PRKN: variants seen among roughly 807,000 people sequenced by gnomAD.
The protein encoded by PRKN is parkin RBR E3 ubiquitin protein ligase.
A neutral mutation model predicts 59.5 loss-of-function variants in PRKN; 56 were observed. The observed-to-expected ratio is 0.94, with a 90% CI of 0.76 to 1.18. The LOEUF (loss-of-function observed/expected upper bound fraction) is 1.18, where lower values mean the gene tolerates loss of function less well. PRKN is among the 50% of genes most tolerant of loss of function. The probability of loss-of-function intolerance (pLI) is 0.00; values close to 1 mark genes in which losing one functional copy is unlikely to be tolerated. For missense variants in PRKN, 657 were observed against 596.4 expected, an observed-to-expected ratio of 1.10 and a Z score of -1.06; for synonymous variants, 250 against 222.1, an observed-to-expected ratio of 1.13 and a Z score of -1.12.
At chr6:161,542,467 GTTTC>G (rs1170107672) in intron 9 of PRKN, among the ~76,000 whole-genome samples, 2 of 152,296 alleles carry the variant, frequency 1.3e-5, no homozygotes, top group African/African-American at 2.4e-5. Context: ...TTTGTGAACA[GTTTC>G]TTTAACTAAA....
intron 4 of PRKN, among the ~76,000 whole-genome samples, chr6:162,144,194 G>A (rs1027809503): frequency 1.3e-5 from 2 of 152,064 alleles, no homozygotes; most frequent in African/African-American, 4.8e-5. Flanking sequence ...TTAACAAAGC[G>A]CACTTGGAGA....
chr6:161,469,541 AAGAGAAAGAGAG>A (rs1373866502), intron 9 of PRKN, among the ~76,000 whole-genome samples: 1 of 141,402 alleles, frequency 7.1e-6, no homozygotes, highest in Non-Finnish European at 1.5e-5. Context: ...TCCAGTGAAC[AAGAGAAAGAGAG>A]AGAGAGAGAG....
chr6:161,414,794 A>C lies in PRKN; in HGVS notation c.1084-27917T>G, dbSNP rs935648405. ...TCTCCGCAGGCAGGGCAGCCGCTGA[A>C]CAGCACCGGGAGGGTCTGTAGTTGC... is the stretch of plus-strand genomic sequence containing the variant. On this transcript the variant is annotated intron_variant, in intron 9 of 11. Transcript: ENST00000366898. The surrounding 1 kb of genome is among the most constrained non-coding windows in gnomAD (Gnocchi z 5.3). 9.2e-5 allele frequency among the ~76,000 whole-genome samples: 14 copies of C among 152,184 alleles called. No homozygotes were observed. The highest frequency in any genetic ancestry group is 5.9e-5 in the Non-Finnish European group (4 of 68,026).
At chr6:161,427,559 G>A (rs1562441601) in intron 9 of PRKN, among the ~76,000 whole-genome samples, 1 of 152,122 alleles carries the variant, frequency 6.6e-6, no homozygotes, top group Non-Finnish European at 1.5e-5. Flanking sequence ...TCTATATCTT[G>A]TCTGGGTTGC....
chr6:162,433,857 T>C (rs902040953), intron 2 of PRKN, among the ~76,000 whole-genome samples: 2 of 152,146 alleles, frequency 1.3e-5, no homozygotes, highest in African/African-American at 4.8e-5. Context: ...GCCCACATAT[T>C]TGAAATTGAG....
At chr6:162,342,003 T>C (rs1001471253) in intron 2 of PRKN, among the ~76,000 whole-genome samples, 4 of 152,204 alleles carry the variant, frequency 2.6e-5, no homozygotes, top group African/African-American at 4.8e-5. Flanking sequence ...GGTTTGCTTT[T>C]TAATGAAATA....
At chr6:161,506,806 AAGCT>A (rs1401880646) in intron 9 of PRKN, among the ~76,000 whole-genome samples, 1 of 152,230 alleles carries the variant, frequency 6.6e-6, no homozygotes, top group East Asian at 1.9e-4. Flanking sequence ...CTGTCCCAAA[AAGCT>A]TGCTCAGTTG....
Position 161,538,518 on chromosome 6 carries a change from G to A in PRKN, c.1083+10336C>T, listed in dbSNP as rs1562513248. ...TAGGGGAGGTGGGACTAAAGGTCAAGCCAGGACAGATCAGATTTGCCTAGG... is the reference window on the plus strand; with the variant it reads ...TAGGGGAGGTGGGACTAAAGGTCAAACCAGGACAGATCAGATTTGCCTAGG... On this transcript the variant is annotated intron_variant, in intron 9 of 11. Transcript: ENST00000366898. This position sits in a 1 kb window ranked among gnomAD's most constrained non-coding sequence, Gnocchi z 4.2. 6.6e-6 allele frequency among the ~76,000 whole-genome samples: 1 copy of A among 152,130 alleles called. No individual in the cohort carries two copies. Among genetic ancestry groups the A allele is most frequent in the Non-Finnish European group, 1.5e-5 (1 of 68,028 alleles).
intron 7 of PRKN, among the ~76,000 whole-genome samples, chr6:161,688,718 A>G (rs1785659671): frequency 6.6e-6 from 1 of 152,136 alleles, no homozygotes; most frequent in South Asian, 2.1e-4. Flanking sequence ...AGGGAATGAC[A>G]AGCCCACCTT....
In PRKN at chr6:161,581,590, T is replaced by C. The variant is rs184733191; in HGVS notation, c.872-12174A>G. 1.2e-4 allele frequency among the ~76,000 whole-genome samples: 18 copies of C among 152,298 alleles called. No individual in the cohort carries two copies. In the East Asian group the frequency reaches 3.5e-3, roughly 29 times the overall value. ...TGGACAATCAGAAGCAAAGACTTAC[T>C]TATGGACAAGGTGAAGGGCGTTGGG... On this transcript the variant is annotated intron_variant, in intron 7 of 11. Coordinates refer to ENST00000366898, the MANE Select transcript of PRKN (RefSeq NM_004562.3). This position sits in a 1 kb window ranked among gnomAD's most constrained non-coding sequence, Gnocchi z 4.5.
chr6:162,201,135 G>A lies in PRKN; in HGVS notation c.530C>T (p.Thr177Ile), dbSNP rs765648938. Reference protein sequence around the residue: ...STCRQATLTLTQGPSCWDDVL... With the variant: ...STCRQATLTLIQGPSCWDDVL... ...GCTGACACTGCATTTCCTTACCTGG[G>A]TCAAGGTGAGCGTTGCCTGCCTGCA... Residue 177 changes from threonine (T) to isoleucine (I), a missense_variant, in exon 4 of 12, where the codon ACC becomes ATC. Coordinates refer to ENST00000366898, the MANE Select transcript of PRKN (RefSeq NM_004562.3). 6.2e-7 allele frequency: 1 copy of A among 1,614,090 alleles called. No homozygotes were observed. The highest frequency in any genetic ancestry group is 1.7e-5 in the Admixed American group (1 of 60,024).
At chr6:162,232,545 G>T (rs920672675) in intron 3 of PRKN, among the ~76,000 whole-genome samples, 1 of 152,184 alleles carries the variant, frequency 6.6e-6, no homozygotes. Context: ...CTTTTCTGAG[G>T]ATAGGCATAT....
intron 7 of PRKN, among the ~76,000 whole-genome samples, chr6:161,714,845 C>T (rs562306194): frequency 9.7e-4 from 148 of 152,160 alleles, no homozygotes; most frequent in African/African-American, 3.4e-3. Flanking sequence ...TGTTCCCCAC[C>T]GCCACCCCAC....
chr6:161,788,734 C>G (rs966618938), intron 6 of PRKN, among the ~76,000 whole-genome samples: 1 of 152,114 alleles, frequency 6.6e-6, no homozygotes, highest in Non-Finnish European at 1.5e-5. Context: ...GGAATGCAAC[C>G]GGGGAAGCTG....
At chr6:162,663,650 G>A (rs1051538531) in intron 1 of PRKN, among the ~76,000 whole-genome samples, 1 of 152,076 alleles carries the variant, frequency 6.6e-6, no homozygotes, top group Non-Finnish European at 1.5e-5. Context: ...GAAAAGAGAC[G>A]ACAAGAGGAG....
In PRKN at chr6:162,022,903, T is replaced by C. The variant is rs117997243; in HGVS notation, c.618+31188A>G. Among the ~76,000 whole-genome samples, 46 of 152,320 alleles carry C rather than the reference T, an allele frequency of 3.0e-4. No individual in the cohort carries two copies. In the East Asian group the frequency reaches 7.9e-3, roughly 26 times the overall value. On this transcript the variant is annotated intron_variant, in intron 5 of 11. Transcript: ENST00000366898. ...CTAGCCAGTTTCCCAGCACCAATTA[T>C]TCAATAGGGTGTATTTTCCCCATTG...
At chr6:162,021,752 C>T (rs555311585) in intron 5 of PRKN, among the ~76,000 whole-genome samples, 1 of 151,946 alleles carries the variant, frequency 6.6e-6, no homozygotes, top group Non-Finnish European at 1.5e-5. Context: ...ATGGGTATAT[C>T]GTGTGATGTT....
chr6:162,214,270 G>C (rs559697534), intron 3 of PRKN, among the ~76,000 whole-genome samples: 22 of 152,132 alleles, frequency 1.4e-4, no homozygotes, highest in Non-Finnish European at 2.6e-4. Context: ...TGTTTCAGCT[G>C]TACCATCTTT....
chr6:162,384,913 TCA>T (rs944667100), intron 2 of PRKN, among the ~76,000 whole-genome samples: 4 of 152,136 alleles, frequency 2.6e-5, no homozygotes, highest in African/African-American at 9.7e-5. Context: ...GTCTTTATTT[TCA>T]CTAAAATACC....
Sources: gnomAD v4.1 joint callset for allele counts (sites outside exome capture counted in the v4.1 genomes callset) on GRCh38, gnomAD v4.1.1 for gene constraint, Gnocchi (gnomAD v3.1) non-coding constraint, MANE v1.5 for transcripts, NCBI Gene and HGNC (gene_info 2026-07-23, HGNC 2026-07-21) for gene names.